RBFOX3: variants seen among roughly 807,000 people sequenced by gnomAD.
RBFOX3 encodes RNA binding fox-1 homolog 3.
Under a neutral mutation model 48.7 loss-of-function variants are expected in RBFOX3, and 17 were observed. The observed-to-expected ratio is 0.35, with a 90% CI of 0.24 to 0.52. The LOEUF is 0.52. Ranked by LOEUF, RBFOX3 falls within the 20% of genes least tolerant of loss-of-function variation. RBFOX3 has a pLI of 0.94. For synonymous variants in RBFOX3, 212 were observed against 209.5 expected (o/e 1.01, Z -0.10); for missense variants, 382 against 497.5 (o/e 0.77, Z 2.21).
At chr17:79,662,670 C>T in the RBFOX3 span, among the ~76,000 whole-genome samples, 1 of 152,098 alleles carries the variant, frequency 6.6e-6, no homozygotes, top group African/African-American at 2.4e-5. Flanking sequence ...GGGTTAAGAA[C>T]CATCAATCCA....
chr17:79,652,962 T>C, the RBFOX3 span, among the ~76,000 whole-genome samples: 1 of 151,930 alleles, frequency 6.6e-6, no homozygotes, highest in Non-Finnish European at 1.5e-5. Flanking sequence ...TGGGGCCATA[T>C]AATAGGATCA....
At chr17:79,257,563 C>A (rs1344407394) in intron 3 of RBFOX3, among the ~76,000 whole-genome samples, 4 of 152,142 alleles carry the variant, frequency 2.6e-5, no homozygotes, top group Non-Finnish European at 4.4e-5. Context: ...ACACCTGAGT[C>A]CTTCTCACTG....
intron 4 of RBFOX3, among the ~76,000 whole-genome samples, chr17:79,152,866 G>A (rs957796061): frequency 1.7e-4 from 26 of 152,204 alleles, no homozygotes; most frequent in Admixed American, 3.3e-4. Flanking sequence ...CCGGGACTTC[G>A]CCGCATTGCC....
At chr17:79,141,936 G>A (rs964535956) in intron 4 of RBFOX3, among the ~76,000 whole-genome samples, 1 of 152,216 alleles carries the variant, frequency 6.6e-6, no homozygotes, top group Non-Finnish European at 1.5e-5. Flanking sequence ...GGAAGAAAGG[G>A]ACGCACACAG....
At position 79,220,385 on chromosome 17, in the gene RBFOX3, C is replaced by T. The variant is rs2059583963; in HGVS notation, c.-34+15381G>A. On this transcript the variant is annotated intron_variant, in intron 4 of 14. Transcript: ENST00000693108. The surrounding 1 kb of genome is among the most constrained non-coding windows in gnomAD (Gnocchi z 5.9). Reference sequence around the variant, plus strand: ...CCTCTCTGCCTCCCGCTCGCTCCTGCTCACTCCAGGTCCTCTCTCCCTCTC... The same window carrying T: ...CCTCTCTGCCTCCCGCTCGCTCCTGTTCACTCCAGGTCCTCTCTCCCTCTC... Among the ~76,000 whole-genome samples the T allele has an allele frequency of 6.6e-6, 1 of 152,130 alleles. No individual in the cohort carries two copies. The highest frequency in any genetic ancestry group is 1.5e-5 in the Non-Finnish European group (1 of 68,042).
chr17:79,558,876 C>T (rs2091975558), intron 1 of RBFOX3, among the ~76,000 whole-genome samples: 1 of 152,108 alleles, frequency 6.6e-6, no homozygotes, highest in African/African-American at 2.4e-5. Context: ...CACAGAGAGG[C>T]TTGCTAAGGA....
intron 2 of RBFOX3, among the ~76,000 whole-genome samples, chr17:79,320,941 A>G (rs957940858): frequency 1.3e-5 from 2 of 152,208 alleles, no homozygotes; most frequent in African/African-American, 2.4e-5. Context: ...AGTCCGGCAC[A>G]TTCTGCCAAA....
chr17:79,543,970 T>C (rs1482482832), intron 1 of RBFOX3, among the ~76,000 whole-genome samples: 2 of 152,114 alleles, frequency 1.3e-5, no homozygotes, highest in African/African-American at 2.4e-5. Context: ...AGAGCAGCCA[T>C]ACCACCAAGT....
intron 4 of RBFOX3, among the ~76,000 whole-genome samples, chr17:79,129,178 G>A (rs972711116): frequency 5.9e-5 from 9 of 152,150 alleles, no homozygotes; most frequent in African/African-American, 2.2e-4. Flanking sequence ...GGTGGCTGAA[G>A]GCTTACGAAT....
chr17:79,426,450 C>A (rs958318711), intron 2 of RBFOX3, among the ~76,000 whole-genome samples: 1 of 152,170 alleles, frequency 6.6e-6, no homozygotes, highest in South Asian at 2.1e-4. Flanking sequence ...GCAGGCAGGC[C>A]GGGAGCACTC....
In RBFOX3 at chr17:79,507,600, T is replaced by G. The variant is rs886386420; in HGVS notation, c.-319-25002A>C. Among the ~76,000 whole-genome samples the G allele has an allele frequency of 1.0e-3, 154 of 152,050 alleles. 1 individual carries two copies. The highest frequency in any genetic ancestry group is 3.5e-3 in the African/African-American group (145 of 41,450). On this transcript the variant is annotated intron_variant, in intron 1 of 14. Transcript: ENST00000693108. ...AGAGATTCAGAAGAAACAGAAGCCC[T>G]CCCCTCTCCTCAGACAAGAGCCCCC...
In RBFOX3 at chr17:79,441,371, G is replaced by A. The variant is rs552013104; in HGVS notation, c.-175+41083C>T. 2.6e-5 allele frequency among the ~76,000 whole-genome samples: 4 copies of A among 152,310 alleles called. No individual in the cohort carries two copies. The South Asian group carries it at 8.3e-4, about 32-fold the overall frequency. On this transcript the variant is annotated intron_variant, in intron 2 of 14. Coordinates refer to ENST00000693108, the MANE Select transcript of RBFOX3 (RefSeq NM_001350451.2). ...GTTGGAAACAGGGTCTTTGCAGATG[G>A]AAGTAAGGTGCAGATAGAGATGAGG...
chr17:79,338,277 G>T (rs1340454553), intron 2 of RBFOX3, among the ~76,000 whole-genome samples: 1 of 152,088 alleles, frequency 6.6e-6, no homozygotes, highest in Non-Finnish European at 1.5e-5. Context: ...AGGAACTGGG[G>T]TTTCTTTTTG....
chr17:79,126,621 T>A (rs1434275678), intron 4 of RBFOX3, among the ~76,000 whole-genome samples: 2 of 152,086 alleles, frequency 1.3e-5, no homozygotes, highest in African/African-American at 4.8e-5. Flanking sequence ...CGAGGCCCCA[T>A]CTCTCTGCAT....
intron 2 of RBFOX3, among the ~76,000 whole-genome samples, chr17:79,427,218 A>G (rs1037989600): frequency 3.0e-4 from 46 of 152,276 alleles, no homozygotes; most frequent in African/African-American, 1.0e-3. Flanking sequence ...CTGGATCCCA[A>G]TCTGTCCGGG....
chr17:79,494,213 G>A (rs1467246755), intron 1 of RBFOX3, among the ~76,000 whole-genome samples: 4 of 152,164 alleles, frequency 2.6e-5, no homozygotes, highest in African/African-American at 4.8e-5. Context: ...GGCTGAGGCT[G>A]TACAACTGGG....
At chr17:79,653,976 T>C in the RBFOX3 span, among the ~76,000 whole-genome samples, 1 of 151,756 alleles carries the variant, frequency 6.6e-6, no homozygotes, top group African/African-American at 2.4e-5. Flanking sequence ...CACCAATTCA[T>C]ACAAGTTGTT....
intron 3 of RBFOX3, among the ~76,000 whole-genome samples, chr17:79,255,442 C>T (rs146886014): frequency 2.0e-5 from 3 of 152,244 alleles, no homozygotes; most frequent in Non-Finnish European, 2.9e-5. Flanking sequence ...TGTCACCATT[C>T]TCCACCCCAG....
At chr17:79,182,724 G>C (rs2052359701) in intron 4 of RBFOX3, among the ~76,000 whole-genome samples, 1 of 150,876 alleles carries the variant, frequency 6.6e-6, no homozygotes, top group Non-Finnish European at 1.5e-5. Flanking sequence ...CCCCTCCCCG[G>C]CCAGAGCTCC....
Sources: gnomAD v4.1 joint callset for allele counts (sites outside exome capture counted in the v4.1 genomes callset) on GRCh38, gnomAD v4.1.1 for gene constraint, Gnocchi (gnomAD v3.1) non-coding constraint, MANE v1.5 for transcripts, NCBI Gene and HGNC (gene_info 2026-07-23, HGNC 2026-07-21) for gene names.